The following AGXT2 variants were observed in gnomAD, a reference collection of about 807,000 sequenced individuals.
The protein encoded by AGXT2 is alanine--glyoxylate aminotransferase 2, mitochondrial.
In AGXT2, 61 loss-of-function variants were observed where a neutral mutation model predicts 62.5. That is an observed-to-expected ratio of 0.98 (90% confidence interval 0.79 to 1.21). The LOEUF (loss-of-function observed/expected upper bound fraction) is 1.21. Among genes scored for constraint, AGXT2 ranks in the 50% most tolerant of loss-of-function variants. The pLI, the probability that AGXT2 is intolerant of heterozygous loss-of-function variation, is 0.00. For missense variants in AGXT2, 666 were observed against 641.5 expected (o/e 1.04, Z -0.41); for synonymous variants, 243 against 218.7 (o/e 1.11, Z -0.98).
chr5:35,023,313 T>C (rs1314118549), intron 9 of AGXT2, among the ~76,000 whole-genome samples: 1 of 152,146 alleles, frequency 6.6e-6, no homozygotes, highest in African/African-American at 2.4e-5. Context: ...GAACAGTTGA[T>C]AGGTATGAAC....
Position 35,039,098 on chromosome 5 carries a change from C to T in AGXT2, c.362+226G>A, listed in dbSNP as rs1767885437. ...CAAGACTCCAGTCACATGGTACATG[C>T]CACACTACATGTGCCATGAGAATAA... On this transcript the variant is annotated intron_variant, in intron 3 of 13. Transcript: ENST00000231420. Among the ~76,000 whole-genome samples the T allele has an allele frequency of 4.6e-5, 7 of 152,126 alleles. No homozygotes were observed. The South Asian group carries it at 1.5e-3, about 32-fold the overall frequency.
intron 9 of AGXT2, among the ~76,000 whole-genome samples, chr5:35,020,754 T>C (rs937601691): frequency 6.6e-6 from 1 of 152,100 alleles, no homozygotes; most frequent in African/African-American, 2.4e-5. Flanking sequence ...AAATAAAGGG[T>C]ATTCAATAGG....
chr5:35,040,660 C>T lies in AGXT2; in HGVS notation c.92G>A (p.Gly31Asp). The T allele has an allele frequency of 1.9e-6, 3 of 1,613,382 alleles. No homozygotes were observed. The highest frequency in any genetic ancestry group is 1.7e-6 in the Non-Finnish European group (2 of 1,179,356). Residue 31 changes from glycine to aspartate, a missense_variant, in exon 2 of 14, where the codon GGT (glycine) becomes GAT (aspartate). Coordinates refer to ENST00000231420, the MANE Select transcript of AGXT2 (RefSeq NM_031900.4). ...ILEMHPFLSL[G>D]TSRTSVTKLS... ...CTTGGTTACTGATGTCCGGGAAGTA[C>T]CTACTGAAAGTGAAGTGAGTTAGAA...
intron 7 of AGXT2, among the ~76,000 whole-genome samples, chr5:35,028,426 G>A (rs1767438850): frequency 6.6e-6 from 1 of 152,040 alleles, no homozygotes; most frequent in African/African-American, 2.4e-5. Context: ...CAGACACACA[G>A]GCATGAAATC....
At chr5:35,014,980 G>T (rs182585667) in intron 9 of AGXT2, among the ~76,000 whole-genome samples, 1 of 152,192 alleles carries the variant, frequency 6.6e-6, no homozygotes, top group Non-Finnish European at 1.5e-5. Context: ...TTAACTCAGG[G>T]TTGAACTCCT....
At chr5:35,012,902 T>TGG (rs1472106356) in intron 11 of AGXT2, 52 bp downstream of exon 11, 1 of 1,495,832 alleles carries the variant, frequency 6.7e-7, no homozygotes, top group Non-Finnish European at 9.1e-7. Flanking sequence ...TGTGTGGTTT[T>TGG]GAAAGAGTCA....
At chr5:35,004,946 G>T (rs1338535255) in intron 12 of AGXT2, among the ~76,000 whole-genome samples, 1 of 152,178 alleles carries the variant, frequency 6.6e-6, no homozygotes, top group Admixed American at 6.5e-5. Context: ...TGTGCATTTT[G>T]TTCTGTCTTA....
intron 13 of AGXT2, among the ~76,000 whole-genome samples, chr5:35,000,735 G>T (rs1050767796): frequency 6.6e-6 from 1 of 152,168 alleles, no homozygotes; most frequent in African/African-American, 2.4e-5. Context: ...ATCTCACTGA[G>T]CTTCTCATCT....
intron 11 of AGXT2, among the ~76,000 whole-genome samples, chr5:35,010,922 C>T (rs1766617920): frequency 6.6e-6 from 1 of 152,188 alleles, no homozygotes; most frequent in Admixed American, 6.5e-5. Context: ...GCCAAGCAGC[C>T]TGGTCTGAGG....
In AGXT2 at chr5:35,033,495, T is replaced by C; in HGVS notation, c.640A>G (p.Lys214Glu). 6.2e-7 allele frequency: 1 copy of C among 1,613,818 alleles called. No individual in the cohort carries two copies. Among genetic ancestry groups the C allele is most frequent in the South Asian group, 1.1e-5 (1 of 91,080 alleles). ...TLGLTNVGTY[K>E]MELPGGTGCQ... ...CCTGTCCCACCAGGGAGTTCCATCTTGTAGGTCCCTACGTTTGTCAAGCCA... is the reference window on the plus strand; with the variant it reads ...CCTGTCCCACCAGGGAGTTCCATCTCGTAGGTCCCTACGTTTGTCAAGCCA... The change falls in exon 6 of 14, where the codon AAG (lysine) becomes GAG (glutamate). Residue 214 changes from lysine (K) to glutamate (E), a missense_variant. Lys to Glu is a moderately conservative substitution (Grantham distance 56, BLOSUM62 1). Transcript: ENST00000231420.
At chr5:34,999,695 G>A (rs1766157301) in intron 13 of AGXT2, among the ~76,000 whole-genome samples, 1 of 152,012 alleles carries the variant, frequency 6.6e-6, no homozygotes, top group African/African-American at 2.4e-5. Context: ...CTCAACTCCT[G>A]CGCCTCTCCC....
intron 9 of AGXT2, among the ~76,000 whole-genome samples, chr5:35,025,346 C>T (rs1767291918): frequency 6.6e-6 from 1 of 152,176 alleles, no homozygotes; most frequent in Admixed American, 6.5e-5. Flanking sequence ...CACTGTACTT[C>T]AGCCTGGATG....
chr5:35,032,796 AG>A lies in AGXT2; in HGVS notation c.704del (p.Pro235LeufsTer39), dbSNP rs956524821. On this transcript the variant is annotated frameshift_variant, in exon 7 of 14. Transcript: ENST00000231420. LOFTEE classifies it high-confidence loss of function. ...PTMCPDVFRG[P>X]WGGSHCRDSP... ...AATCTCGACAGTGGCTTCCTCCCCA[AG>A]GGCCACGAAAAACATCTGGACACAT... 1.2e-6 allele frequency: 2 copies of A among 1,607,690 alleles called. No individual in the cohort carries two copies. The highest frequency in any genetic ancestry group is 1.3e-5 in the African/African-American group (1 of 74,860).
intron 11 of AGXT2, among the ~76,000 whole-genome samples, chr5:35,012,131 T>C (rs539228358): frequency 1.3e-5 from 2 of 152,084 alleles, no homozygotes; most frequent in Non-Finnish European, 2.9e-5. Context: ...TTGGGTACAA[T>C]GTACACTACT....
chr5:35,014,896 A>G (rs1248103590), intron 9 of AGXT2, among the ~76,000 whole-genome samples: 1 of 152,210 alleles, frequency 6.6e-6, no homozygotes, highest in Non-Finnish European at 1.5e-5. Flanking sequence ...GCCCAGTTAA[A>G]CTGGTCATCC....
intron 9 of AGXT2, among the ~76,000 whole-genome samples, chr5:35,018,454 T>G (rs1293238468): frequency 6.6e-6 from 1 of 152,142 alleles, no homozygotes. Context: ...AAACCCAGAA[T>G]TTCATATCCA....
At chr5:35,026,594 G>GAAAAAAAA in intron 7 of AGXT2, 84 bp from the exon 8 acceptor site, 1 of 902,838 alleles carries the variant, frequency 1.1e-6, no homozygotes, top group Non-Finnish European at 1.6e-6. Flanking sequence ...GGAAAAACAG[G>GAAAAAAAA]AAAAAAAAAA....
intron 10 of AGXT2, among the ~76,000 whole-genome samples, chr5:35,013,341 TAAG>T (rs1286240744): frequency 6.6e-6 from 1 of 152,222 alleles, no homozygotes; most frequent in African/African-American, 2.4e-5. Context: ...GGTTTTCTTA[TAAG>T]AAGAGGAAGA....
intron 1 of AGXT2, among the ~76,000 whole-genome samples, chr5:35,047,229 G>A (rs1219057197): frequency 2.6e-5 from 4 of 152,150 alleles, no homozygotes; most frequent in African/African-American, 4.8e-5. Flanking sequence ...GCTTGAGCCC[G>A]GGAGTTCGAG....
Sources: allele counts gnomAD v4.1 joint callset (sites outside exome capture counted in the v4.1 genomes callset), GRCh38; gene constraint gnomAD v4.1.1; transcripts MANE v1.5; gene names NCBI Gene and HGNC (gene_info 2026-07-23, HGNC 2026-07-21).